The following DENND1A variants were observed in gnomAD, a reference collection of about 807,000 sequenced individuals.
DENND1A encodes the protein DENN domain-containing protein 1A.
A neutral mutation model predicts 113.7 loss-of-function variants in DENND1A; 51 were observed. The ratio of observed to expected loss-of-function variants is 0.45; its 90% confidence interval spans 0.36 to 0.57. DENND1A has a LOEUF of 0.57. Ranked by LOEUF, DENND1A falls within the 20% of genes least tolerant of loss-of-function variation. The pLI, the probability that DENND1A is intolerant of heterozygous loss-of-function variation, is 0.00. For synonymous variants in DENND1A, 565 were observed against 570.8 expected (o/e 0.99, Z 0.14); for missense variants, 1,258 against 1,395.9 (o/e 0.90, Z 1.57).
chr9:123,412,963 C>G (rs1588405144), intron 19 of DENND1A, among the ~76,000 whole-genome samples: 1 of 152,194 alleles, frequency 6.6e-6, no homozygotes, highest in South Asian at 2.1e-4. Context: ...GTGGGCGGAC[C>G]ACCTGAGGTC....
intron 10 of DENND1A, among the ~76,000 whole-genome samples, chr9:123,620,766 G>A (rs1482458437): frequency 3.3e-5 from 5 of 151,914 alleles, no homozygotes; most frequent in Admixed American, 3.3e-4. Context: ...CTAAATTCCT[G>A]GTCCTTATCC....
chr9:123,597,562 G>T lies in DENND1A; in HGVS notation c.765+11874C>A, dbSNP rs1053093010. The stretch of plus-strand genomic sequence containing the variant: ...ACCCAAAAGGTCTGCAGAGTGAGAA[G>T]TGAGACCTGTATAGCTGCTCTTGGG... On this transcript the variant is annotated intron_variant, in intron 11 of 23. Coordinates refer to ENST00000394215, the MANE Select transcript of DENND1A (RefSeq NM_001352964.2). Among the ~76,000 whole-genome samples the T allele has an allele frequency of 5.9e-5, 9 of 152,168 alleles. 2 individuals are homozygous for T. The South Asian group carries it at 1.9e-3, about 32-fold the overall frequency.
intron 13 of DENND1A, among the ~76,000 whole-genome samples, chr9:123,555,425 T>G (rs1223635952): frequency 6.6e-6 from 1 of 152,178 alleles, no homozygotes; most frequent in Non-Finnish European, 1.5e-5. Context: ...CCCACCCAAT[T>G]GCTCCAAAGA....
Position 123,404,394 on chromosome 9 carries a change from G to A in DENND1A, c.1543-904C>T, listed in dbSNP as rs117475599. The stretch of plus-strand genomic sequence containing the variant: ...ACACTCCCAGTGCCCGAGAGGGATG[G>A]GTTGAGAGCTAAGCTGAGAAAGTCT... On this transcript the variant is annotated intron_variant, in intron 20 of 23. Coordinates refer to ENST00000394215, the MANE Select transcript of DENND1A (RefSeq NM_001352964.2). Among the ~76,000 whole-genome samples, 818 of 152,378 alleles carry A rather than the reference G, an allele frequency of 5.4e-3. 9 individuals are homozygous for A. Among genetic ancestry groups the A allele is most frequent in the Middle Eastern group, 0.017 (5 of 294 alleles).
At chr9:123,538,982 C>T (rs1413556764) in intron 13 of DENND1A, among the ~76,000 whole-genome samples, 2 of 151,016 alleles carry the variant, frequency 1.3e-5, no homozygotes, top group Non-Finnish European at 3.0e-5. Context: ...TTTGCTTTGG[C>T]TTGTATGAAC....
At chr9:123,920,189 G>A (rs959784911) in intron 1 of DENND1A, among the ~76,000 whole-genome samples, 12 of 152,102 alleles carry the variant, frequency 7.9e-5, no homozygotes, top group African/African-American at 2.7e-4. Context: ...CCAGCACTTC[G>A]GGAGGCCGAG....
chr9:123,409,272 A>G (rs1048802629), intron 20 of DENND1A, among the ~76,000 whole-genome samples: 1 of 151,582 alleles, frequency 6.6e-6, no homozygotes, highest in Non-Finnish European at 1.5e-5. Context: ...CTACTGATTC[A>G]TTTTTTTCTT....
At chr9:123,397,168 CTTTT>C (rs891717366) in intron 21 of DENND1A, among the ~76,000 whole-genome samples, 1 of 151,300 alleles carries the variant, frequency 6.6e-6, no homozygotes, top group Non-Finnish European at 1.5e-5. Context: ...TTTCCTTTTT[CTTTT>C]TTTTTAGAGT....
At chr9:123,620,654 G>C (rs958832939) in intron 10 of DENND1A, among the ~76,000 whole-genome samples, 1 of 152,166 alleles carries the variant, frequency 6.6e-6, no homozygotes, top group Admixed American at 6.5e-5. Flanking sequence ...AGTAATCTAT[G>C]ATTTCTGATC....
intron 13 of DENND1A, among the ~76,000 whole-genome samples, chr9:123,552,653 G>A (rs1442825221): frequency 6.6e-6 from 1 of 152,256 alleles, no homozygotes; most frequent in Non-Finnish European, 1.5e-5. Flanking sequence ...CAGCTGGGCT[G>A]CCCTGCGTGG....
At chr9:123,517,104 T>G (rs930508122) in intron 13 of DENND1A, among the ~76,000 whole-genome samples, 1 of 150,812 alleles carries the variant, frequency 6.6e-6, no homozygotes, top group Non-Finnish European at 1.5e-5. Context: ...CACAAAAAAG[T>G]TAGCCAGGCG....
chr9:123,806,998 T>C (rs1433498325), intron 2 of DENND1A, among the ~76,000 whole-genome samples: 1 of 152,156 alleles, frequency 6.6e-6, no homozygotes, highest in African/African-American at 2.4e-5. Flanking sequence ...ATTGCAAAAA[T>C]TGAAAGAGTG....
intron 5 of DENND1A, among the ~76,000 whole-genome samples, chr9:123,734,830 G>A (rs7043441): frequency 0.076 from 11,500 of 152,010 alleles, 885 homozygotes; most frequent in African/African-American, 0.2. Flanking sequence ...GAGAGGGCTT[G>A]GGAAAATAAT....
At position 123,557,631 on chromosome 9, in the gene DENND1A, G is replaced by A. The variant is rs1162945715; in HGVS notation, c.932C>T (p.Ala311Val). Residue 311 changes from alanine to valine, a missense_variant, in exon 13 of 24, where the codon GCG (alanine) becomes GTG (valine). Around this residue, in one of 2 missense-constraint regions of DENND1A, gnomAD observed 1,159 missense variants for 1,231.7 expected, o/e 0.94. Coordinates refer to ENST00000394215, the MANE Select transcript of DENND1A (RefSeq NM_001352964.2). ...GAAAGCAGCCTGGGCCTTGAGGAAC[G>A]CTCTGGCCACACCATCCCCAGTGGT... Reference protein sequence around the residue: ...STTTGDGVARAFLKAQAAFFG... With the variant: ...STTTGDGVARVFLKAQAAFFG... 5 of 1,613,864 alleles carry A rather than the reference G, an allele frequency of 3.1e-6. No individual in the cohort carries two copies. Among genetic ancestry groups the A allele is most frequent in the Non-Finnish European group, 4.2e-6 (5 of 1,179,948 alleles).
At chr9:123,821,743 G>A (rs1838506553) in intron 2 of DENND1A, among the ~76,000 whole-genome samples, 1 of 152,164 alleles carries the variant, frequency 6.6e-6, no homozygotes, top group Non-Finnish European at 1.5e-5. Flanking sequence ...CTCCAGCTTT[G>A]CGGAGGACAG....
chr9:123,542,867 G>A (rs1047550688), intron 13 of DENND1A, among the ~76,000 whole-genome samples: 2 of 152,032 alleles, frequency 1.3e-5, no homozygotes, highest in South Asian at 2.1e-4. Context: ...TTGAATTTCA[G>A]CTCCTCCATC....
At chr9:123,483,320 C>T (rs1242777778) in intron 13 of DENND1A, among the ~76,000 whole-genome samples, 1 of 152,212 alleles carries the variant, frequency 6.6e-6, no homozygotes, top group Admixed American at 6.5e-5. Context: ...CAGGGGCTGG[C>T]ATGCCGATGG....
chr9:123,614,179 C>T (rs953937895), intron 10 of DENND1A, among the ~76,000 whole-genome samples: 1 of 152,200 alleles, frequency 6.6e-6, no homozygotes, highest in Non-Finnish European at 1.5e-5. Flanking sequence ...CAAGATCGCA[C>T]AGCTGGTCAG....
chr9:123,462,736 G>T (rs2048631180), intron 13 of DENND1A, among the ~76,000 whole-genome samples: 1 of 152,200 alleles, frequency 6.6e-6, no homozygotes, highest in African/African-American at 2.4e-5. Context: ...GGCGGAGGTT[G>T]CAGTCAGCCA....
Sources: gnomAD v4.1 joint callset for allele counts (sites outside exome capture counted in the v4.1 genomes callset) on GRCh38, gnomAD v4.1.1 for gene constraint, gnomAD v4.1.1 regional missense constraint, MANE v1.5 for transcripts, NCBI Gene and HGNC (gene_info 2026-07-23, HGNC 2026-07-21) for gene names.